Variants in NUMB observed in about 807,000 individuals in gnomAD.
The protein encoded by NUMB is NUMB endocytic adaptor protein.
A neutral mutation model predicts 59.7 loss-of-function variants in NUMB; 29 were observed. The ratio of observed to expected loss-of-function variants is 0.49; its 90% CI spans 0.36 to 0.66. The LOEUF is 0.66. NUMB is among the 30% of genes least tolerant of loss of function. NUMB has a pLI of 0.00. For missense variants in NUMB, 723 were observed against 822.0 expected (o/e 0.88, Z 1.47); for synonymous variants, 288 against 288.2 (o/e 1.00, Z 0.01).
At chr14:73,347,196 C>T (rs1892962347) in intron 4 of NUMB, among the ~76,000 whole-genome samples, 1 of 151,962 alleles carries the variant, frequency 6.6e-6, no homozygotes, top group Non-Finnish European at 1.5e-5. Context: ...GGTTTTAACC[C>T]CCCACCCCAC....
At chr14:73,293,410 T>C (rs78052277) in intron 7 of NUMB, among the ~76,000 whole-genome samples, 1 of 148,688 alleles carries the variant, frequency 6.7e-6, no homozygotes, top group South Asian at 2.1e-4. Flanking sequence ...TTTTTTTTTT[T>C]TTGGACAGTC....
intron 3 of NUMB, among the ~76,000 whole-genome samples, chr14:73,357,330 G>A (rs1390524222): frequency 6.6e-6 from 1 of 150,862 alleles, no homozygotes; most frequent in Non-Finnish European, 1.5e-5. Context: ...TTGAACCTGG[G>A]GGGCAGAGGC....
intron 2 of NUMB, among the ~76,000 whole-genome samples, chr14:73,375,272 A>T (rs1207150816): frequency 6.6e-6 from 1 of 152,216 alleles, no homozygotes; most frequent in Admixed American, 6.5e-5. Context: ...ATAACATTTC[A>T]TCGTCCCTTA....
intron 2 of NUMB, among the ~76,000 whole-genome samples, chr14:73,404,326 C>T (rs551283632): frequency 2.6e-5 from 4 of 151,674 alleles, no homozygotes; most frequent in African/African-American, 9.7e-5. Flanking sequence ...CGTCAAGACT[C>T]TTGTTGAAAA....
Position 73,275,229 on chromosome 14 carries a change from A to G in NUMB, c.*1349T>C, listed in dbSNP as rs1321957650. 2 of 152,688 alleles carry G rather than the reference A, an allele frequency of 1.3e-5. No individual in the cohort carries two copies. The highest frequency in any genetic ancestry group is 6.5e-5 in the Admixed American group (1 of 15,286). 9.5% of individuals were successfully genotyped at this position (152,688 alleles called of 1,614,324 possible). The stretch of plus-strand genomic sequence containing the variant: ...ATGGGCAAAAGCTTCTACCATGAAC[A>G]TTTATTTTTGTTAAAGCAGATTATA... On this transcript the variant is annotated 3_prime_UTR_variant, in exon 13 of 13. Transcript: ENST00000555238.
chr14:73,420,840 C>T (rs995850734), intron 1 of NUMB, among the ~76,000 whole-genome samples: 1 of 151,982 alleles, frequency 6.6e-6, no homozygotes, highest in Admixed American at 6.6e-5. Context: ...TATGGCTGCA[C>T]TCCAGCCCGA....
At chr14:73,358,602 CTTTTTTTTTTTTT>C (rs35552161) in intron 3 of NUMB, among the ~76,000 whole-genome samples, 1 of 118,938 alleles carries the variant, frequency 8.4e-6, no homozygotes, top group Non-Finnish European at 1.8e-5. Flanking sequence ...GAAAGCTAGA[CTTTTTTTTTTTTT>C]TTTTTTTTTT....
chr14:73,399,213 T>A lies in NUMB; in HGVS notation c.-101+10724A>T, dbSNP rs576301152. ...TTTCAAAAATAAGCACTTACTTACATTAAGCATATTAAATAGTTGGCCCTC... is the reference window on the plus strand; with the variant it reads ...TTTCAAAAATAAGCACTTACTTACAATAAGCATATTAAATAGTTGGCCCTC... On this transcript the variant is annotated intron_variant, in intron 2 of 12. Coordinates refer to ENST00000555238, the MANE Select transcript of NUMB (RefSeq NM_001005743.2). 1.3e-4 allele frequency among the ~76,000 whole-genome samples: 20 copies of A among 152,314 alleles called. No individual in the cohort carries two copies. The South Asian group carries it at 4.1e-3, about 32-fold the overall frequency.
At chr14:73,352,026 AG>A (rs1893317930) in intron 4 of NUMB, among the ~76,000 whole-genome samples, 1 of 151,996 alleles carries the variant, frequency 6.6e-6, no homozygotes, top group Admixed American at 6.6e-5. Context: ...AATGCTTAAT[AG>A]GATTAATTTT....
intron 2 of NUMB, among the ~76,000 whole-genome samples, chr14:73,386,332 A>G (rs1895522177): frequency 6.6e-6 from 1 of 152,192 alleles, no homozygotes. Flanking sequence ...GCAGGTAATT[A>G]AATATTTACT....
chr14:73,279,789 G>A (rs946479875), intron 11 of NUMB, among the ~76,000 whole-genome samples: 3 of 152,164 alleles, frequency 2.0e-5, no homozygotes, highest in Non-Finnish European at 2.9e-5. Context: ...CTTAGCCTTC[G>A]GCATAATGAA....
At position 73,423,453 on chromosome 14, in the gene NUMB, CA is replaced by C. The variant is rs533492347; in HGVS notation, c.-232-13386del. ...CAGGAGTTGTAGACCAGCCTGGCAC[CA>C]ACATGGCAAAAGCCCATCTCTACTA... On this transcript the variant is annotated intron_variant, in intron 1 of 12. Coordinates refer to ENST00000555238, the MANE Select transcript of NUMB (RefSeq NM_001005743.2). Among the ~76,000 whole-genome samples the C allele has an allele frequency of 3.9e-5, 6 of 151,920 alleles. No homozygotes were observed. In the South Asian group the frequency reaches 1.2e-3, roughly 32 times the overall value.
Position 73,276,425 on chromosome 14 carries a change from C to G in NUMB, c.*153G>C. 1 of 594,036 alleles carries G rather than the reference C, an allele frequency of 1.7e-6. No individual in the cohort carries two copies. Among genetic ancestry groups the G allele is most frequent in the Non-Finnish European group, 2.9e-6 (1 of 344,016 alleles). 36.8% of individuals were successfully genotyped at this position (594,036 alleles called of 1,614,324 possible). On this transcript the variant is annotated 3_prime_UTR_variant, in exon 13 of 13. Transcript: ENST00000555238. Reference sequence around the variant, plus strand: ...TTTTTCCCATGTCTTTCAAAATCACCCCTCACAGTACTCTGGGCCTGGACT... The same window carrying G: ...TTTTTCCCATGTCTTTCAAAATCACGCCTCACAGTACTCTGGGCCTGGACT...
intron 1 of NUMB, among the ~76,000 whole-genome samples, chr14:73,427,618 C>G (rs555789537): frequency 1.3e-5 from 2 of 152,128 alleles, no homozygotes; most frequent in Admixed American, 1.3e-4. Context: ...AACTACTGTA[C>G]AAGAAAGAGA....
At chr14:73,434,522 A>T (rs551826966) in intron 1 of NUMB, among the ~76,000 whole-genome samples, 21 of 152,288 alleles carry the variant, frequency 1.4e-4, no homozygotes, top group African/African-American at 4.1e-4. Flanking sequence ...ACCAGATCAC[A>T]CTATTTTAAC....
intron 2 of NUMB, among the ~76,000 whole-genome samples, chr14:73,369,233 G>A (rs577807040): frequency 6.6e-6 from 1 of 152,142 alleles, no homozygotes; most frequent in African/African-American, 2.4e-5. Flanking sequence ...AGTAGAGACA[G>A]GGTTTCACCA....
intron 6 of NUMB, among the ~76,000 whole-genome samples, chr14:73,310,041 C>G (rs1255647048): frequency 6.6e-6 from 1 of 152,088 alleles, no homozygotes; most frequent in African/African-American, 2.4e-5. Context: ...TTAACAGGAT[C>G]TGTTAGAACA....
At chr14:73,278,138 A>AGG (rs1888327598) in intron 12 of NUMB, among the ~76,000 whole-genome samples, 2 of 152,264 alleles carry the variant, frequency 1.3e-5, no homozygotes, top group South Asian at 4.1e-4. Context: ...CAAAAAGAAA[A>AGG]TAACCAGTGA....
rs1732844133 is a variant in NUMB, at chr14:73,287,095, T to C, written c.655+15A>G. The stretch of plus-strand genomic sequence containing the variant: ...AACTGCATTCCATAAATACACACTG[T>C]AGAACAGATTGTACCTTTCTTGGCA... On this transcript the variant is annotated intron_variant, in intron 9 of 12. Transcript: ENST00000555238. 2 of 1,611,712 alleles carry C rather than the reference T, an allele frequency of 1.2e-6. No individual in the cohort carries two copies. The highest frequency in any genetic ancestry group is 1.7e-6 in the Non-Finnish European group (2 of 1,177,862).
Sources: allele counts gnomAD v4.1 joint callset (sites outside exome capture counted in the v4.1 genomes callset), GRCh38; gene constraint gnomAD v4.1.1; transcripts MANE v1.5; gene names NCBI Gene and HGNC (gene_info 2026-07-23, HGNC 2026-07-21).